Variants in FBXO10 observed in about 807,000 individuals in gnomAD.
FBXO10 encodes F-box protein 10, also known as F-box only protein 10.
FBXO10 carries 39 observed loss-of-function variants against 80.7 expected under a neutral mutation model. The observed-to-expected ratio is 0.48, with a 90% confidence interval of 0.37 to 0.63. FBXO10 has a LOEUF of 0.63. Among genes scored for constraint, FBXO10 ranks in the 30% least tolerant of loss-of-function variants. FBXO10 has a pLI of 0.00. For missense variants in FBXO10, 1,025 were observed against 1,269.0 expected (o/e 0.81, Z 2.92); for synonymous variants, 449 against 489.6 (o/e 0.92, Z 1.09).
intron 7 of FBXO10, chr9:37,522,552 T>G: frequency 8.1e-7 from 1 of 1,230,304 alleles, no homozygotes. Flanking sequence ...AATGGTCCTG[T>G]CCTTAAGACA....
At chr9:37,550,169 GTTTTTTTTTTTT>G (rs74171511) in intron 1 of FBXO10, among the ~76,000 whole-genome samples, 19,203 of 68,476 alleles carry the variant, frequency 0.28, 2,177 homozygotes, top group Middle Eastern at 0.4. Context: ...GTCGTCTCAG[GTTTTTTTTTTTT>G]TTTTTTTTTT....
intron 6 of FBXO10, 95 bp downstream of exon 6, chr9:37,525,007 T>G: frequency 2.9e-6 from 3 of 1,034,826 alleles, no homozygotes; most frequent in Non-Finnish European, 4.3e-6. Context: ...CCATAGTCTG[T>G]GGGGGTAAAG....
intron 3 of FBXO10, among the ~76,000 whole-genome samples, chr9:37,532,518 C>T (rs1056145901): frequency 6.6e-6 from 1 of 151,732 alleles, no homozygotes; most frequent in African/African-American, 2.4e-5. Context: ...GTTAACTTTT[C>T]TATTTTTTGT....
In FBXO10 at chr9:37,537,590, G is replaced by A. The variant is rs766087542; in HGVS notation, c.939C>T (p.Ile313=). The A allele has an allele frequency of 1.9e-6, 3 of 1,613,872 alleles. No individual in the cohort carries two copies. Among genetic ancestry groups the A allele is most frequent in the African/African-American group, 1.3e-5 (1 of 75,028 alleles). ...AWSPKTCDIV[I]EGSQSPTSPA... ...GGCTGGTAGGGCTCTGGCTGCCCTC[G>A]ATAACAATGTCACAGGTCTTTGGGC... Residue 313 remains isoleucine, a synonymous_variant, in exon 3 of 11, where the codon ATC becomes ATT. Coordinates refer to ENST00000432825, the MANE Select transcript of FBXO10 (RefSeq NM_012166.3).
intron 4 of FBXO10, among the ~76,000 whole-genome samples, chr9:37,530,157 A>T (rs1399854650): frequency 1.3e-5 from 2 of 152,200 alleles, no homozygotes; most frequent in African/African-American, 4.8e-5. Flanking sequence ...ACTCTAAGTT[A>T]ATTTATAGCT....
At chr9:37,516,698 G>T (rs1821184984) in intron 9 of FBXO10, among the ~76,000 whole-genome samples, 1 of 152,202 alleles carries the variant, frequency 6.6e-6, no homozygotes, top group Admixed American at 6.5e-5. Context: ...GGGTGCAGTG[G>T]CTCACACCTG....
chr9:37,569,104 T>C (rs1822682148), intron 1 of FBXO10, among the ~76,000 whole-genome samples: 1 of 152,106 alleles, frequency 6.6e-6, no homozygotes, highest in Non-Finnish European at 1.5e-5. Flanking sequence ...AAAACTTCCT[T>C]ATAAGTTTTC....
intron 1 of FBXO10, among the ~76,000 whole-genome samples, chr9:37,543,945 C>A (rs891093469): frequency 6.6e-6 from 1 of 151,856 alleles, no homozygotes; most frequent in Non-Finnish European, 1.5e-5. Context: ...GCCTGGCCAA[C>A]ATGGTGAAAC....
rs761943028 is a variant in FBXO10, at chr9:37,521,830, C to T, written c.1939G>A (p.Gly647Ser). 1 of 1,579,728 alleles carries T rather than the reference C, an allele frequency of 6.3e-7. No homozygotes were observed. Among genetic ancestry groups the T allele is most frequent in the South Asian group, 1.1e-5 (1 of 88,272 alleles). Reference protein sequence around the residue: ...IEGNTIYANKGCGVWMMSSSL... With the variant: ...IEGNTIYANKSCGVWMMSSSL... ...GACGACATCATCCACACACCACAGC[C>T]CTTGTTAGCTGGGACAGTGAGAGGA... The change falls in exon 8 of 11, where the codon GGC (glycine) becomes AGC (serine). Residue 647 changes from glycine (G) to serine (S), a missense_variant. Gly to Ser is a moderately conservative substitution (Grantham distance 56). Transcript: ENST00000432825.
chr9:37,553,936 A>AAAAAAAAAAG (rs1554648219), intron 1 of FBXO10, among the ~76,000 whole-genome samples: 6 of 148,966 alleles, frequency 4.0e-5, no homozygotes, highest in African/African-American at 1.5e-4. Flanking sequence ...AAAAAAAAAA[A>AAAAAAAAAAG]AAAGAAAGAA....
At chr9:37,528,291 G>A (rs997224693) in intron 5 of FBXO10, among the ~76,000 whole-genome samples, 13 of 152,116 alleles carry the variant, frequency 8.5e-5, no homozygotes, top group Non-Finnish European at 1.3e-4. Flanking sequence ...CCGCAAGGAC[G>A]TCAAGGGTCA....
rs750744001 is a variant in FBXO10, at chr9:37,522,913, G to GA, written c.1841dup (p.Arg615GlnfsTer3). On this transcript the variant is annotated frameshift_variant, in exon 7 of 11. Transcript: ENST00000432825. LOFTEE classifies it high-confidence loss of function. Reference sequence around the variant, plus strand: ...AGCCAAAGCAGATGAGGTTACTCCTGAGAACGGGGATCCCTCCACGGCGGA... The same window carrying GA: ...AGCCAAAGCAGATGAGGTTACTCCTGAAGAACGGGGATCCCTCCACGGCGGA... The GA allele has an allele frequency of 5.7e-6, 9 of 1,581,368 alleles. No individual in the cohort carries two copies. The highest frequency in any genetic ancestry group is 3.6e-5 in the Admixed American group (2 of 55,388).
At chr9:37,559,646 C>G (rs1347153008) in intron 1 of FBXO10, among the ~76,000 whole-genome samples, 5 of 152,172 alleles carry the variant, frequency 3.3e-5, no homozygotes, top group African/African-American at 1.2e-4. Context: ...CAAATGGGGC[C>G]ACAAGACTAG....
chr9:37,575,011 T>C (rs951220831), intron 1 of FBXO10, among the ~76,000 whole-genome samples: 3 of 152,180 alleles, frequency 2.0e-5, no homozygotes, highest in Admixed American at 2.0e-4. Context: ...CTCTGTTGGG[T>C]CCTGAGCAAA....
chr9:37,534,500 G>A (rs984718556), intron 3 of FBXO10, among the ~76,000 whole-genome samples: 5 of 152,222 alleles, frequency 3.3e-5, no homozygotes, highest in African/African-American at 1.2e-4. Context: ...GACGAGGCCT[G>A]AGCACTTCCC....
At chr9:37,542,594 C>A (rs1345016793) in intron 1 of FBXO10, among the ~76,000 whole-genome samples, 4 of 61,780 alleles carry the variant, frequency 6.5e-5, no homozygotes, top group Non-Finnish European at 1.2e-4. Context: ...GAATCTCCAT[C>A]TCAAAAAAAA....
chr9:37,552,168 C>T (rs1822211338), intron 1 of FBXO10, among the ~76,000 whole-genome samples: 1 of 152,218 alleles, frequency 6.6e-6, no homozygotes, highest in Non-Finnish European at 1.5e-5. Flanking sequence ...TTTCCCCAGG[C>T]CCTGGCCAGA....
chr9:37,515,745 C>G lies in FBXO10; in HGVS notation c.2696+159G>C, dbSNP rs375402623. 1.5e-4 allele frequency: 111 copies of G among 743,614 alleles called. No individual in the cohort carries two copies. In the African/African-American group the frequency reaches 1.7e-3, roughly 11 times the overall value. 46.1% of individuals were successfully genotyped at this position (743,614 alleles called of 1,614,324 possible). A position where few individuals can be genotyped will look rare whatever the true frequency, so the allele number is the denominator to read the frequency against. ...CTCCTGGGGAGTCCTCAGCCCGGGC[C>G]TGACATAGAGCCAGGCACAGGCCTT... On this transcript the variant is annotated intron_variant, in intron 10 of 10. Transcript: ENST00000432825.
Position 37,531,939 on chromosome 9 carries a change from G to A in FBXO10, c.1539C>T (p.Asp513=), listed in dbSNP as rs756609080. ...TGAGTGGGTTGGACTTTTTCCGGAT[G>A]TCTACACCAGCCTCTGCATTGTGGT... ...NIYHNAEAGV[D]IRKKSNPLIL... The change falls in exon 4 of 11, where the codon GAC becomes GAT. Residue 513 remains aspartate (D), a synonymous_variant. Transcript: ENST00000432825. 1 of 1,613,906 alleles carries A rather than the reference G, an allele frequency of 6.2e-7. No individual in the cohort carries two copies. The highest frequency in any genetic ancestry group is 1.1e-5 in the South Asian group (1 of 91,082).
Sources: allele counts gnomAD v4.1 joint callset (sites outside exome capture counted in the v4.1 genomes callset), GRCh38; gene constraint gnomAD v4.1.1; transcripts MANE v1.5; gene names NCBI Gene and HGNC (gene_info 2026-07-23, HGNC 2026-07-21).